Variants in SAMMSON observed in about 807,000 individuals in gnomAD.
SAMMSON encodes the protein survival associated mitochondrial melanoma specific oncogenic non-coding RNA.
chr3:70,196,759 T>A, intron 4 of SAMMSON: 1 of 392,562 alleles, frequency 2.5e-6, no homozygotes, highest in Non-Finnish European at 4.5e-6. Flanking sequence ...AATAAGACCA[T>A]TGAGTTGATA....
chr3:70,173,305 G>C (rs1264624581), intron 4 of SAMMSON, among the ~76,000 whole-genome samples: 4 of 151,816 alleles, frequency 2.6e-5, no homozygotes, highest in Non-Finnish European at 4.4e-5. Flanking sequence ...GGACCCGTGG[G>C]ATGTGCTGCA....
intron 4 of SAMMSON, among the ~76,000 whole-genome samples, chr3:70,238,773 A>G (rs1399836254): frequency 8.6e-5 from 13 of 152,040 alleles, no homozygotes; most frequent in Non-Finnish European, 2.9e-5. Context: ...GACATCCTAG[A>G]TATGTGAGTC....
At chr3:70,256,146 TG>T (rs1297235554) in intron 6 of SAMMSON, among the ~76,000 whole-genome samples, 5 of 152,226 alleles carry the variant, frequency 3.3e-5, no homozygotes, top group Non-Finnish European at 7.3e-5. Context: ...GCTTTCCCCA[TG>T]GTTACGAATG....
exon 9 of SAMMSON, chr3:70,358,269 T>A (rs1702844571): frequency 6.6e-6 from 1 of 152,186 alleles, no homozygotes; most frequent in South Asian, 2.1e-4. Flanking sequence ...GAACATGACC[T>A]AATGGTGTGC....
At chr3:70,020,561 A>G (rs770110531) in intron 3 of SAMMSON, among the ~76,000 whole-genome samples, 2 of 152,126 alleles carry the variant, frequency 1.3e-5, no homozygotes, top group African/African-American at 2.4e-5. Context: ...GAGTCTTCCC[A>G]TCCCTGTGCA....
chr3:70,355,944 A>G (rs1450801625), intron 8 of SAMMSON, among the ~76,000 whole-genome samples: 2 of 152,208 alleles, frequency 1.3e-5, no homozygotes, highest in East Asian at 1.9e-4. Flanking sequence ...AGCTCATCAG[A>G]AAACAACCTA....
intron 1 of SAMMSON, among the ~76,000 whole-genome samples, chr3:70,010,915 C>A (rs148003834): frequency 6.6e-6 from 1 of 152,024 alleles, no homozygotes; most frequent in East Asian, 1.9e-4. Flanking sequence ...CACTGACTAT[C>A]GTGAGAACAG....
At chr3:70,241,345 G>C (rs1701666190) in intron 4 of SAMMSON, among the ~76,000 whole-genome samples, 2 of 152,014 alleles carry the variant, frequency 1.3e-5, no homozygotes, top group Non-Finnish European at 2.9e-5. Flanking sequence ...TTCTCCAATT[G>C]TTTTCTTTCA....
At chr3:70,095,254 T>G (rs1215197076) in intron 4 of SAMMSON, among the ~76,000 whole-genome samples, 4 of 152,194 alleles carry the variant, frequency 2.6e-5, no homozygotes, top group Non-Finnish European at 5.9e-5. Flanking sequence ...TTATCTTTAG[T>G]TCCCTTAGGG....
At chr3:70,046,981 A>G (rs908728243) in intron 3 of SAMMSON, among the ~76,000 whole-genome samples, 2 of 152,082 alleles carry the variant, frequency 1.3e-5, no homozygotes, top group African/African-American at 2.4e-5. Flanking sequence ...AATCCAGGTT[A>G]ATCTATGAGC....
chr3:70,209,139 C>T (rs904777933), intron 4 of SAMMSON, among the ~76,000 whole-genome samples: 1 of 151,926 alleles, frequency 6.6e-6, no homozygotes, highest in African/African-American at 2.4e-5. Context: ...GCTAATATTG[C>T]AGATAGATGG....
At chr3:70,112,337 T>A (rs1017529494) in intron 4 of SAMMSON, among the ~76,000 whole-genome samples, 3 of 152,076 alleles carry the variant, frequency 2.0e-5, no homozygotes, top group Non-Finnish European at 4.4e-5. Context: ...ACAAATCTAC[T>A]ATGCAGCAGT....
chr3:70,157,509 T>C (rs2067596680), intron 4 of SAMMSON, among the ~76,000 whole-genome samples: 1 of 152,074 alleles, frequency 6.6e-6, no homozygotes, highest in Non-Finnish European at 1.5e-5. Context: ...CCTAGTGGAA[T>C]GAAATGCTTA....
chr3:70,351,513 C>T (rs1702795316), intron 7 of SAMMSON, among the ~76,000 whole-genome samples: 2 of 152,004 alleles, frequency 1.3e-5, no homozygotes, highest in South Asian at 4.1e-4. Flanking sequence ...GCTAAACCCT[C>T]TAAATATTAT....
chr3:70,042,083 C>T (rs1372359064), intron 3 of SAMMSON, among the ~76,000 whole-genome samples: 2 of 152,034 alleles, frequency 1.3e-5, no homozygotes, highest in African/African-American at 2.4e-5. Flanking sequence ...AAAAGGATGA[C>T]GATCAGTGTC....
At chr3:70,190,225 C>T (rs1173859433) in intron 4 of SAMMSON, among the ~76,000 whole-genome samples, 2 of 152,106 alleles carry the variant, frequency 1.3e-5, no homozygotes, top group East Asian at 3.9e-4. Flanking sequence ...TAATTTCTTT[C>T]CCATCCATCT....
At chr3:70,047,136 C>G (rs2067129699) in intron 3 of SAMMSON, among the ~76,000 whole-genome samples, 1 of 152,046 alleles carries the variant, frequency 6.6e-6, no homozygotes, top group South Asian at 2.1e-4. Flanking sequence ...ATAGCAGTTA[C>G]TGTCATTTTT....
chr3:70,215,308 T>C (rs964516228), intron 4 of SAMMSON, among the ~76,000 whole-genome samples: 2 of 152,096 alleles, frequency 1.3e-5, no homozygotes, highest in African/African-American at 4.8e-5. Context: ...CTAATTCCTA[T>C]GGCAGTCAGA....
chr3:70,035,052 C>CT (rs1218501189), intron 3 of SAMMSON, among the ~76,000 whole-genome samples: 2 of 152,102 alleles, frequency 1.3e-5, no homozygotes, highest in Admixed American at 6.5e-5. Flanking sequence ...CGTTTAGGAT[C>CT]TCATAAAGCC....
Sources: gnomAD v4.1 joint callset for allele counts (sites outside exome capture counted in the v4.1 genomes callset) on GRCh38, gnomAD v4.1.1 for gene constraint, MANE v1.5 for transcripts, NCBI Gene and HGNC (gene_info 2026-07-23, HGNC 2026-07-21) for gene names.